The following SCG3 variants were observed in gnomAD, a reference collection of about 807,000 sequenced individuals.
SCG3 encodes secretogranin III.
Under a neutral mutation model 56.2 loss-of-function variants are expected in SCG3, and 38 were observed. The observed-to-expected ratio is 0.68, with a 90% CI of 0.52 to 0.89. The LOEUF (loss-of-function observed/expected upper bound fraction) is 0.89, where lower values mean the gene tolerates loss of function less well. Ranked by LOEUF, SCG3 falls within the 40% of genes least tolerant of loss-of-function variation. The pLI is 0.00. For synonymous variants in SCG3, 176 were observed against 184.2 expected, an observed-to-expected ratio of 0.96 and a Z score of 0.36; for missense variants, 524 against 540.7, an observed-to-expected ratio of 0.97 and a Z score of 0.31.
At chr15:51,692,126 T>C (rs1194476904) in intron 6 of SCG3, 33 bp from the exon 7 acceptor site, 15 of 1,564,528 alleles carry the variant, frequency 9.6e-6, no homozygotes, top group African/African-American at 1.4e-5. Context: ...TCTAACAAAA[T>C]GTTCATTTTT....
chr15:51,687,024 T>C (rs1327212214), intron 4 of SCG3, among the ~76,000 whole-genome samples: 1 of 152,212 alleles, frequency 6.6e-6, no homozygotes. Context: ...TACTAGGCTC[T>C]TCTTTCTTTG....
chr15:51,692,263 C>A lies in SCG3; in HGVS notation c.795C>A (p.Thr265=), dbSNP rs1440682792. Residue 265 remains threonine (T), a synonymous_variant, in exon 7 of 12, where the codon ACC becomes ACA. Coordinates refer to ENST00000220478, the MANE Select transcript of SCG3 (RefSeq NM_013243.4). ...LTNGLERRTK[T]YSEDNFEELQ... ...ATGGCTTGGAAAGGAGAACTAAAAC[C>A]TACAGTGAAGACAACTTTGAGGAAC... 6.2e-7 allele frequency: 1 copy of A among 1,614,106 alleles called. No homozygotes were observed. The highest frequency in any genetic ancestry group is 1.7e-5 in the Admixed American group (1 of 60,024).
chr15:51,694,757 G>A (rs1009228168), intron 7 of SCG3, among the ~76,000 whole-genome samples: 3 of 152,176 alleles, frequency 2.0e-5, no homozygotes, highest in Non-Finnish European at 4.4e-5. Flanking sequence ...GAGGCCGAGC[G>A]CGGTGGCTCA....
intron 8 of SCG3, among the ~76,000 whole-genome samples, chr15:51,697,342 A>G (rs2055310542): frequency 6.6e-6 from 1 of 152,254 alleles, no homozygotes; most frequent in Non-Finnish European, 1.5e-5. Flanking sequence ...TCCTATGGAA[A>G]TAAATCAAAA....
At chr15:51,685,500 C>G (rs2055222950) in intron 4 of SCG3, among the ~76,000 whole-genome samples, 3 of 152,116 alleles carry the variant, frequency 2.0e-5, no homozygotes, top group African/African-American at 7.2e-5. Context: ...TCAGGTTTAC[C>G]GTAGGAGGTA....
At chr15:51,683,919 G>A (rs74943807) in intron 4 of SCG3, among the ~76,000 whole-genome samples, 3,226 of 152,132 alleles carry the variant, frequency 0.021, 91 homozygotes, top group East Asian at 0.095. Context: ...CATATCACTA[G>A]GCCAGACTTC....
At chr15:51,691,675 T>C (rs2055267624) in intron 6 of SCG3, among the ~76,000 whole-genome samples, 1 of 152,156 alleles carries the variant, frequency 6.6e-6, no homozygotes, top group African/African-American at 2.4e-5. Context: ...GAGAGAAAGA[T>C]TTTGTACACT....
At chr15:51,712,410 T>C (rs2055426199) in intron 10 of SCG3, among the ~76,000 whole-genome samples, 1 of 152,218 alleles carries the variant, frequency 6.6e-6, no homozygotes. Context: ...CCCTAAGCTT[T>C]AGGGCCTCAC....
At chr15:51,703,710 G>A (rs1432413879) in intron 10 of SCG3, among the ~76,000 whole-genome samples, 1 of 152,166 alleles carries the variant, frequency 6.6e-6, no homozygotes, top group African/African-American at 2.4e-5. Flanking sequence ...TCAAATGAGT[G>A]GTGATAGTGG....
At chr15:51,718,075 G>A (rs1185084640) in intron 11 of SCG3, among the ~76,000 whole-genome samples, 2 of 152,120 alleles carry the variant, frequency 1.3e-5, no homozygotes, top group Non-Finnish European at 2.9e-5. Flanking sequence ...TTCTTCTGAG[G>A]CCCAAAGTGC....
chr15:51,716,930 A>G (rs866641206), intron 11 of SCG3, among the ~76,000 whole-genome samples: 1 of 152,156 alleles, frequency 6.6e-6, no homozygotes, highest in Non-Finnish European at 1.5e-5. Flanking sequence ...GGGTTCAGTT[A>G]ATTTGCTAGA....
At chr15:51,691,770 T>C (rs1031327426) in intron 6 of SCG3, among the ~76,000 whole-genome samples, 1 of 152,232 alleles carries the variant, frequency 6.6e-6, no homozygotes, top group Non-Finnish European at 1.5e-5. Flanking sequence ...GGCTTTCCTG[T>C]ATCCTGGCAC....
intron 10 of SCG3, among the ~76,000 whole-genome samples, chr15:51,709,887 ATTTTTTTTTT>A (rs67775073): frequency 2.4e-5 from 2 of 84,812 alleles, no homozygotes; most frequent in Non-Finnish European, 4.4e-5. Flanking sequence ...CGCCCGGCTA[ATTTTTTTTTT>A]TTTTTTTTTT....
At position 51,701,165 on chromosome 15, in the gene SCG3, G is replaced by A; in HGVS notation, c.1128G>A (p.Met376Ile). Residue 376 changes from methionine to isoleucine, a missense_variant, in exon 10 of 12, where the codon ATG becomes ATA. Met to Ile is a conservative substitution (Grantham distance 10). Transcript: ENST00000220478. The part of the protein sequence containing the change: ...TDSTKEEAAK[M>I]EKEYGSLKDS... ...GTACCAAGGAAGAAGCAGCTAAGAT[G>A]GAAAAGGAATATGGAAGCTTGAAGG... 1 of 1,613,682 alleles carries A rather than the reference G, an allele frequency of 6.2e-7. No homozygotes were observed. The highest frequency in any genetic ancestry group is 1.1e-5 in the South Asian group (1 of 91,016).
chr15:51,698,163 T>C (rs1246074776), intron 8 of SCG3, among the ~76,000 whole-genome samples: 1 of 152,220 alleles, frequency 6.6e-6, no homozygotes, highest in Non-Finnish European at 1.5e-5. Flanking sequence ...AAGAGGAGTT[T>C]ACTTGGGGAG....
chr15:51,690,861 A>G (rs1467476225), intron 6 of SCG3, among the ~76,000 whole-genome samples: 1 of 152,236 alleles, frequency 6.6e-6, no homozygotes, highest in Non-Finnish European at 1.5e-5. Flanking sequence ...ATATTTATTG[A>G]ATACTAACTC....
intron 9 of SCG3, among the ~76,000 whole-genome samples, chr15:51,700,726 C>A (rs2055334008): frequency 6.6e-6 from 1 of 152,072 alleles, no homozygotes; most frequent in African/African-American, 2.4e-5. Flanking sequence ...AAATGTACTT[C>A]AGAACATGAC....
Position 51,720,457 on chromosome 15 carries a change from T to C in SCG3, c.*931T>C, listed in dbSNP as rs2055489104. The C allele has an allele frequency of 6.6e-6, 1 of 152,260 alleles. No homozygotes were observed. The highest frequency in any genetic ancestry group is 6.5e-5 in the Admixed American group (1 of 15,284). The allele number at this position is 152,260 out of a possible 1,614,324, so 9.4% of individuals were successfully genotyped here. ...TCAGCCCCCACCACAAACACAGCCCTGGAAACATACAGTGGCGCAAGGTCC... is the reference window on the plus strand; with the variant it reads ...TCAGCCCCCACCACAAACACAGCCCCGGAAACATACAGTGGCGCAAGGTCC... On this transcript the variant is annotated 3_prime_UTR_variant, in exon 12 of 12. Coordinates refer to ENST00000220478, the MANE Select transcript of SCG3 (RefSeq NM_013243.4).
chr15:51,698,204 C>A (rs2055316347), intron 8 of SCG3, among the ~76,000 whole-genome samples: 1 of 152,172 alleles, frequency 6.6e-6, no homozygotes, highest in Non-Finnish European at 1.5e-5. Context: ...AAGATCCTTA[C>A]AAACTAACTG....
Sources: allele counts gnomAD v4.1 joint callset (sites outside exome capture counted in the v4.1 genomes callset), GRCh38; gene constraint gnomAD v4.1.1; transcripts MANE v1.5; gene names NCBI Gene and HGNC (gene_info 2026-07-23, HGNC 2026-07-21).